Variants in UTRN observed in about 807,000 individuals in gnomAD.
UTRN encodes dystrophin-related protein 1.
In UTRN, 283 loss-of-function variants were observed where a neutral mutation model predicts 463.9. That is an observed-to-expected ratio of 0.61 (90% confidence interval 0.55 to 0.67). UTRN has a LOEUF of 0.67. Among genes scored for constraint, UTRN ranks in the 30% least tolerant of loss-of-function variants. The pLI is 0.00. For synonymous variants in UTRN, 1,442 were observed against 1,431.5 expected (o/e 1.01, Z -0.17); for missense variants, 3,922 against 4,084.3 (o/e 0.96, Z 1.08).
At chr6:144,707,475 T>C (rs1785211688) in intron 53 of UTRN, among the ~76,000 whole-genome samples, 1 of 152,100 alleles carries the variant, frequency 6.6e-6, no homozygotes, top group African/African-American at 2.4e-5. Context: ...CTTGGAAAAA[T>C]CACTTAATCT....
chr6:144,313,893 G>T lies in UTRN; in HGVS notation c.79+21986G>T, dbSNP rs150144483. ...ACAAAGAGAATGTTACATTGATTCA[G>T]TTCTTAAAATTTTCCCTTTTCCTCA... On this transcript the variant is annotated intron_variant, in intron 2 of 74. Coordinates refer to ENST00000367545, the MANE Select transcript of UTRN (RefSeq NM_007124.3). 6.7e-4 allele frequency among the ~76,000 whole-genome samples: 102 copies of T among 152,240 alleles called. 1 individual carries two copies. In the East Asian group the frequency reaches 0.017, roughly 25 times the overall value.
intron 19 of UTRN, among the ~76,000 whole-genome samples, chr6:144,456,703 A>G (rs1029999163): frequency 5.3e-5 from 8 of 149,802 alleles, no homozygotes; most frequent in African/African-American, 2.0e-4. Flanking sequence ...AATAAATAAA[A>G]TAGTGTGTTT....
intron 37 of UTRN, 121 bp downstream of exon 37, chr6:144,514,941 C>G (rs1795486108): frequency 9.0e-7 from 1 of 1,112,546 alleles, no homozygotes; most frequent in Admixed American, 3.3e-5. Context: ...TTTTCTCTCT[C>G]TGTCACCGAG....
chr6:144,790,778 C>T (rs1314928942), intron 62 of UTRN, among the ~76,000 whole-genome samples: 3 of 152,268 alleles, frequency 2.0e-5, no homozygotes, highest in African/African-American at 7.2e-5. Flanking sequence ...ACCAATGTTA[C>T]AAAATTAGAA....
At chr6:144,491,832 G>T (rs1480005182) in intron 32 of UTRN, among the ~76,000 whole-genome samples, 2 of 152,068 alleles carry the variant, frequency 1.3e-5, no homozygotes, top group Admixed American at 6.6e-5. Flanking sequence ...TGACTTCATG[G>T]AACATACATA....
intron 62 of UTRN, among the ~76,000 whole-genome samples, chr6:144,792,493 G>A (rs1299620156): frequency 6.6e-6 from 1 of 151,938 alleles, no homozygotes; most frequent in Non-Finnish European, 1.5e-5. Context: ...GTTGCAGCGA[G>A]CCAAGATCGT....
At position 144,486,558 on chromosome 6, in the gene UTRN, G is replaced by A. The variant is rs573706667; in HGVS notation, c.3823-990G>A. On this transcript the variant is annotated intron_variant, in intron 28 of 74. Coordinates refer to ENST00000367545, the MANE Select transcript of UTRN (RefSeq NM_007124.3). ...TTTATTTGAGATGGAATCTTGCTAT[G>A]TTGCCCAGGCTGGAGTGCAATTGCA... Among the ~76,000 whole-genome samples, 70 of 152,172 alleles carry A rather than the reference G, an allele frequency of 4.6e-4. 2 individuals carry two copies. The highest frequency in any genetic ancestry group is 2.6e-3 in the Admixed American group (39 of 15,288).
At chr6:144,709,782 C>T (rs952145025) in intron 53 of UTRN, among the ~76,000 whole-genome samples, 1 of 152,206 alleles carries the variant, frequency 6.6e-6, no homozygotes, top group African/African-American at 2.4e-5. Flanking sequence ...TTTTGAATAC[C>T]ACTATATACA....
intron 66 of UTRN, among the ~76,000 whole-genome samples, chr6:144,824,614 C>CTCTTTTTT (rs1315487327): frequency 2.3e-4 from 7 of 30,874 alleles, no homozygotes; most frequent in African/African-American, 6.3e-4. Context: ...ATATATATAT[C>CTCTTTTTT]TTTTTTTTTT....
chr6:144,832,402 T>A (rs1033365124), intron 69 of UTRN, among the ~76,000 whole-genome samples: 1 of 152,236 alleles, frequency 6.6e-6, no homozygotes. Context: ...TGTGTTAAAC[T>A]CTATCAGCTT....
chr6:144,314,882 T>C (rs1775181042), intron 2 of UTRN, among the ~76,000 whole-genome samples: 1 of 152,190 alleles, frequency 6.6e-6, no homozygotes, highest in South Asian at 2.1e-4. Flanking sequence ...TTGGTGCCAT[T>C]TTACATGTAT....
intron 2 of UTRN, among the ~76,000 whole-genome samples, chr6:144,332,093 G>T (rs1465415270): frequency 1.3e-5 from 2 of 152,120 alleles, no homozygotes; most frequent in Admixed American, 1.3e-4. Context: ...CCTCCTTCTG[G>T]GATTGGGCAT....
chr6:144,350,163 G>C (rs1429238491), intron 2 of UTRN, among the ~76,000 whole-genome samples: 1 of 151,836 alleles, frequency 6.6e-6, no homozygotes. Flanking sequence ...TCAAGGAAAA[G>C]GAGCATTTAA....
In UTRN at chr6:144,314,405, G is replaced by A. The variant is rs531031984; in HGVS notation, c.79+22498G>A. ...ACCTGGATGCTGACCTCTTCAGGGCGGAGCTGTTGCTGTGCTCAGACATCG... is the reference window on the plus strand; with the variant it reads ...ACCTGGATGCTGACCTCTTCAGGGCAGAGCTGTTGCTGTGCTCAGACATCG... On this transcript the variant is annotated intron_variant, in intron 2 of 74. Transcript: ENST00000367545. Among the ~76,000 whole-genome samples the A allele has an allele frequency of 5.4e-4, 82 of 152,276 alleles. 1 individual carries two copies. Among genetic ancestry groups the A allele is most frequent in the African/African-American group, 1.8e-3 (76 of 41,560 alleles).
At chr6:144,344,159 G>T in intron 2 of UTRN, 1 of 1,287,006 alleles carries the variant, frequency 7.8e-7, no homozygotes, top group South Asian at 1.3e-5. Context: ...GGCTGCTTTT[G>T]TTGTCCACTT....
intron 3 of UTRN, among the ~76,000 whole-genome samples, chr6:144,419,702 A>T (rs1463110763): frequency 6.6e-6 from 1 of 152,154 alleles, no homozygotes; most frequent in Admixed American, 6.5e-5. Context: ...AACTAAATAA[A>T]GTCTAGTTCA....
At chr6:144,798,020 T>C in intron 64 of UTRN, 30 bp downstream of exon 64, 1 of 1,613,436 alleles carries the variant, frequency 6.2e-7, no homozygotes, top group Non-Finnish European at 8.5e-7. Flanking sequence ...GAGGAGGCTA[T>C]TTTCTGTTTC....
At chr6:144,517,389 G>T (rs1317265236) in intron 39 of UTRN, among the ~76,000 whole-genome samples, 1 of 150,916 alleles carries the variant, frequency 6.6e-6, no homozygotes, top group African/African-American at 2.4e-5. Flanking sequence ...TTAAAGATGG[G>T]GTATCTCTAT....
intron 51 of UTRN, among the ~76,000 whole-genome samples, chr6:144,616,892 A>C (rs1211135439): frequency 6.6e-6 from 1 of 152,040 alleles, no homozygotes; most frequent in Non-Finnish European, 1.5e-5. Context: ...GCGTTCTACC[A>C]CCTGGTGTAG....
Sources: allele counts gnomAD v4.1 joint callset (sites outside exome capture counted in the v4.1 genomes callset), GRCh38; gene constraint gnomAD v4.1.1; transcripts MANE v1.5; gene names NCBI Gene and HGNC (gene_info 2026-07-23, HGNC 2026-07-21).